The following CNOT2 variants were observed in gnomAD, a reference collection of about 807,000 sequenced individuals.
The protein encoded by CNOT2 is CC chemokine receptor 4-negative regulator of transcription 2.
Under a neutral mutation model 72.1 loss-of-function variants are expected in CNOT2, and 7 were observed. The ratio of observed to expected loss-of-function variants is 0.10; its 90% CI spans 0.06 to 0.18. The LOEUF (loss-of-function observed/expected upper bound fraction) is 0.18, where lower values mean the gene tolerates loss of function less well. Among genes scored for constraint, CNOT2 ranks in the 10% least tolerant of loss-of-function variants. CNOT2 has a pLI of 1.00. For missense variants in CNOT2, 345 were observed against 660.3 expected (o/e 0.52, Z 5.23); for synonymous variants, 196 against 225.6 (o/e 0.87, Z 1.17).
rs1881417784 is a variant in CNOT2 at position 70,340,933 on chromosome 12, T to C, written c.1179-1174T>C. 5.0e-5 allele frequency among the ~76,000 whole-genome samples: 7 copies of C among 141,266 alleles called. No homozygotes were observed. In the South Asian group the frequency reaches 1.6e-3, roughly 32 times the overall value. 92.7% of individuals were successfully genotyped at this position (141,266 alleles called of 152,430 possible). A position where few individuals can be genotyped will look rare whatever the true frequency, so the allele number is the denominator to read the frequency against. On this transcript the variant is annotated intron_variant, in intron 11 of 15. Coordinates refer to ENST00000229195, the MANE Select transcript of CNOT2 (RefSeq NM_014515.7). ...TTTTTGAGACAGAGTATTGCTCTTG[T>C]CGCCCAGGCTGGAGTGCAGTGATGC...
chr12:70,320,826 A>G (rs1192765957), intron 4 of CNOT2, among the ~76,000 whole-genome samples: 1 of 151,944 alleles, frequency 6.6e-6, no homozygotes, highest in Non-Finnish European at 1.5e-5. Flanking sequence ...TGTAAAGGAT[A>G]ATGGCAATTA....
At chr12:70,294,273 A>G in intron 2 of CNOT2, 1 of 1,289,432 alleles carries the variant, frequency 7.8e-7, no homozygotes, top group Non-Finnish European at 1.0e-6. Context: ...CAGAGTAGCA[A>G]ATGTTGAAAG....
At chr12:70,298,276 C>A (rs1347731287) in intron 2 of CNOT2, among the ~76,000 whole-genome samples, 1 of 152,112 alleles carries the variant, frequency 6.6e-6, no homozygotes, top group Non-Finnish European at 1.5e-5. Context: ...ATATAAGGAC[C>A]TTCCTCCTCC....
chr12:70,308,584 T>TCTCTCTCACACA (rs550679130), intron 2 of CNOT2, among the ~76,000 whole-genome samples: 5 of 133,328 alleles, frequency 3.8e-5, no homozygotes, highest in African/African-American at 1.1e-4. Context: ...TCTCTCTCTC[T>TCTCTCTCACACA]CACACACACA....
intron 4 of CNOT2, 109 bp downstream of exon 4, chr12:70,319,473 A>G: frequency 9.6e-7 from 1 of 1,037,682 alleles, no homozygotes; most frequent in Admixed American, 2.1e-5. Flanking sequence ...TATGACTTAA[A>G]AGGAAAAATG....
chr12:70,299,122 TGAG>T (rs1262786455), intron 2 of CNOT2, among the ~76,000 whole-genome samples: 2 of 151,890 alleles, frequency 1.3e-5, no homozygotes, highest in Non-Finnish European at 2.9e-5. Context: ...AGAAGGCAAA[TGAG>T]GAGCAGTCAC....
At chr12:70,303,183 G>T (rs1354072615) in intron 2 of CNOT2, among the ~76,000 whole-genome samples, 2 of 152,182 alleles carry the variant, frequency 1.3e-5, no homozygotes, top group African/African-American at 4.8e-5. Context: ...TTGCCAGTCT[G>T]TGCCTTTTAA....
intron 1 of CNOT2, among the ~76,000 whole-genome samples, chr12:70,249,144 G>A (rs1958022095): frequency 1.3e-5 from 2 of 151,894 alleles, no homozygotes. Context: ...ATTTGGTTTT[G>A]TGTCATATCT....
At chr12:70,328,903 CAGTA>C (rs1266168624) in intron 4 of CNOT2, among the ~76,000 whole-genome samples, 1 of 151,702 alleles carries the variant, frequency 6.6e-6, no homozygotes, top group East Asian at 1.9e-4. Flanking sequence ...TTTGTAAAAA[CAGTA>C]ATGTTGAGAA....
rs200625394 is a variant in CNOT2 at position 70,264,682 on chromosome 12, C to T, written c.-95-13450C>T. On this transcript the variant is annotated intron_variant, in intron 1 of 15. Coordinates refer to ENST00000229195, the MANE Select transcript of CNOT2 (RefSeq NM_014515.7). ...TGTCTGTCCTGGAGAGATACTCTAA[C>T]CCTTGACTGGAAACTAGGCAGGGAG... is the stretch of plus-strand genomic sequence containing the variant. Among the ~76,000 whole-genome samples, 17 of 152,166 alleles carry T rather than the reference C, an allele frequency of 1.1e-4. No homozygotes were observed. In the East Asian group the frequency reaches 3.1e-3, roughly 28 times the overall value.
intron 5 of CNOT2, 112 bp from the exon 6 acceptor site, chr12:70,330,175 T>G (rs1879712735): frequency 5.6e-6 from 3 of 534,230 alleles, no homozygotes; most frequent in Non-Finnish European, 1.0e-5. Context: ...AAATTAGAAC[T>G]GCAATTTGAA....
intron 1 of CNOT2, among the ~76,000 whole-genome samples, chr12:70,261,415 C>T (rs534857860): frequency 1.6e-4 from 24 of 146,056 alleles, no homozygotes; most frequent in East Asian, 1.1e-3. Flanking sequence ...CCTAGGTTCA[C>T]GCCATTCTCC....
chr12:70,270,921 TA>T (rs1959200276), intron 1 of CNOT2, among the ~76,000 whole-genome samples: 1 of 152,230 alleles, frequency 6.6e-6, no homozygotes, highest in African/African-American at 2.4e-5. Flanking sequence ...GAAGGACTTA[TA>T]TAAAGTTCTT....
In CNOT2 at chr12:70,251,644, G is replaced by A. The variant is rs117129107; in HGVS notation, c.-96+8164G>A. 3.3e-5 allele frequency among the ~76,000 whole-genome samples: 5 copies of A among 152,282 alleles called. No individual in the cohort carries two copies. The East Asian group carries it at 9.6e-4, about 29-fold the overall frequency. ...CAATTAAAATTATAAGCTTAATGGT[G>A]TATGTTTATGACATTTTTGAAAGAT... On this transcript the variant is annotated intron_variant, in intron 1 of 15. Transcript: ENST00000229195.
chr12:70,305,794 A>G (rs1370667418), intron 2 of CNOT2, among the ~76,000 whole-genome samples: 3 of 150,256 alleles, frequency 2.0e-5, no homozygotes, highest in Admixed American at 6.6e-5. Flanking sequence ...TTGGTTCCCT[A>G]ATTGCCATTC....
intron 7 of CNOT2, among the ~76,000 whole-genome samples, chr12:70,334,013 C>A (rs1880321572): frequency 6.6e-6 from 1 of 151,832 alleles, no homozygotes; most frequent in African/African-American, 2.4e-5. Flanking sequence ...TTTTTAAATT[C>A]TGTTTTAACT....
intron 2 of CNOT2, among the ~76,000 whole-genome samples, chr12:70,285,199 A>ATTTTGT (rs998445938): frequency 1.3e-5 from 2 of 151,280 alleles, no homozygotes; most frequent in South Asian, 2.1e-4. Context: ...TTATGTTTTG[A>ATTTTGT]TTTTGTTTTT....
At chr12:70,329,834 C>T (rs1225021520) in intron 5 of CNOT2, among the ~76,000 whole-genome samples, 1 of 151,954 alleles carries the variant, frequency 6.6e-6, no homozygotes, top group East Asian at 1.9e-4. Context: ...CAAAAGGCAC[C>T]TGTCTTCCTC....
At chr12:70,326,702 A>T (rs549177694) in intron 4 of CNOT2, among the ~76,000 whole-genome samples, 1 of 152,024 alleles carries the variant, frequency 6.6e-6, no homozygotes, top group African/African-American at 2.4e-5. Flanking sequence ...TTCAGTTTTT[A>T]AAATAAATTT....
Sources: gnomAD v4.1 joint callset for allele counts (sites outside exome capture counted in the v4.1 genomes callset) on GRCh38, gnomAD v4.1.1 for gene constraint, MANE v1.5 for transcripts, NCBI Gene and HGNC (gene_info 2026-07-23, HGNC 2026-07-21) for gene names.